The following SPECC1 variants were observed in gnomAD, a reference collection of about 807,000 sequenced individuals.
SPECC1 encodes cytospin-B.
SPECC1 carries 62 observed loss-of-function variants against 104.1 expected under a neutral mutation model. The observed-to-expected ratio is 0.60, with a 90% confidence interval of 0.49 to 0.74. The LOEUF (loss-of-function observed/expected upper bound fraction) is 0.74. SPECC1 is among the 30% of genes least tolerant of loss of function. The pLI is 0.00. For synonymous variants in SPECC1, 513 were observed against 501.6 expected (o/e 1.02, Z -0.30); for missense variants, 1,306 against 1,310.5 (o/e 1.00, Z 0.05).
chr17:20,224,404 A>G (rs1426751526), intron 4 of SPECC1, among the ~76,000 whole-genome samples: 6 of 152,206 alleles, frequency 3.9e-5, no homozygotes, highest in Non-Finnish European at 8.8e-5. Flanking sequence ...TGGGGAATCT[A>G]GCCAGGCTTG....
At chr17:20,205,947 A>ATCCT (rs2036753293) in intron 4 of SPECC1, 35 bp downstream of exon 4, 1 of 1,567,702 alleles carries the variant, frequency 6.4e-7, no homozygotes, top group Admixed American at 1.8e-5. Context: ...GTATTTGCTC[A>ATCCT]TCCTTGTTCA....
chr17:20,273,613 G>A (rs984348126), intron 12 of SPECC1, among the ~76,000 whole-genome samples: 1 of 152,116 alleles, frequency 6.6e-6, no homozygotes, highest in African/African-American at 2.4e-5. Context: ...AGAACGTTTG[G>A]AGCTTTGGCT....
intron 12 of SPECC1, among the ~76,000 whole-genome samples, chr17:20,295,014 C>CTATTATTATTAT (rs34174703): frequency 3.3e-5 from 5 of 149,326 alleles, no homozygotes; most frequent in South Asian, 2.2e-4. Context: ...AGATTCCCAT[C>CTATTATTATTAT]TATTATTATT....
intron 3 of SPECC1, among the ~76,000 whole-genome samples, chr17:20,146,977 C>T (rs1026798530): frequency 1.3e-5 from 2 of 152,022 alleles, no homozygotes; most frequent in Non-Finnish European, 2.9e-5. Flanking sequence ...TTTCCACCAG[C>T]AATGAATGAG....
chr17:20,257,719 G>T (rs1404084243), intron 11 of SPECC1, 112 bp downstream of exon 11: 7 of 1,380,252 alleles, frequency 5.1e-6, no homozygotes, highest in Non-Finnish European at 6.9e-6. Flanking sequence ...TTTCCTGCAT[G>T]AAAATGACTA....
At chr17:20,236,232 A>G (rs1417074885) in intron 7 of SPECC1, among the ~76,000 whole-genome samples, 1 of 152,182 alleles carries the variant, frequency 6.6e-6, no homozygotes, top group Non-Finnish European at 1.5e-5. Flanking sequence ...CATGATGGAC[A>G]GGGGTCTCCA....
At chr17:20,215,326 A>T (rs1186882010) in intron 4 of SPECC1, among the ~76,000 whole-genome samples, 6 of 152,230 alleles carry the variant, frequency 3.9e-5, no homozygotes. Flanking sequence ...GCCCTGGTAG[A>T]TGATCTCTTT....
intron 3 of SPECC1, among the ~76,000 whole-genome samples, chr17:20,179,836 A>G (rs1042652381): frequency 5.9e-5 from 9 of 152,238 alleles, no homozygotes; most frequent in African/African-American, 2.2e-4. Flanking sequence ...TAAATGGAAG[A>G]TATTAACACG....
At chr17:20,155,937 G>A (rs1320484015) in intron 3 of SPECC1, 1 of 1,235,134 alleles carries the variant, frequency 8.1e-7, no homozygotes. Context: ...GTGTGCAGTT[G>A]AGGTGGTCCG....
chr17:20,280,257 CG>C (rs2040720964), intron 12 of SPECC1, among the ~76,000 whole-genome samples: 1 of 152,156 alleles, frequency 6.6e-6, no homozygotes, highest in African/African-American at 2.4e-5. Flanking sequence ...ATATTTACCA[CG>C]TGACCGACAT....
At chr17:20,189,552 T>C in intron 3 of SPECC1, among the ~76,000 whole-genome samples, 1 of 152,144 alleles carries the variant, frequency 6.6e-6, no homozygotes, top group African/African-American at 2.4e-5. Context: ...ACCATACCAT[T>C]ATCTCTCCTC....
chr17:20,119,467 G>T (rs1352789116), intron 3 of SPECC1, among the ~76,000 whole-genome samples: 1 of 152,038 alleles, frequency 6.6e-6, no homozygotes, highest in African/African-American at 2.4e-5. Flanking sequence ...CCCAACCTCA[G>T]GTGATCCACC....
rs755712954 is a variant in SPECC1, at chr17:20,067,731, T to TA, written c.-21-28896dup. Among the ~76,000 whole-genome samples, 95 of 152,250 alleles carry TA rather than the reference T, an allele frequency of 6.2e-4. 1 individual carries two copies. The highest frequency in any genetic ancestry group is 4.8e-5 in the African/African-American group (2 of 41,546). On this transcript the variant is annotated intron_variant, in intron 1 of 14. Transcript: ENST00000395527. ...ATGTATTCACTTATATTCACTGCCA[T>TA]AAAATTCATACTTTTAAAAGTGAAC...
intron 1 of SPECC1, among the ~76,000 whole-genome samples, chr17:20,035,138 A>G (rs1012973130): frequency 3.3e-5 from 5 of 152,200 alleles, no homozygotes; most frequent in African/African-American, 9.7e-5. Flanking sequence ...ATTTGGTTGC[A>G]TTGATCTATA....
intron 12 of SPECC1, among the ~76,000 whole-genome samples, chr17:20,275,378 G>T (rs1025061299): frequency 3.3e-5 from 5 of 152,226 alleles, no homozygotes; most frequent in Admixed American, 2.6e-4. Context: ...TTTTTGTTAT[G>T]ATGTTAGTGA....
chr17:20,218,088 A>G (rs2703819), intron 4 of SPECC1, among the ~76,000 whole-genome samples: 66,766 of 152,106 alleles, frequency 0.44, 15,215 homozygotes, highest in East Asian at 0.8. Flanking sequence ...TAAAGTAGCT[A>G]TTGCTAAGTA....
intron 3 of SPECC1, among the ~76,000 whole-genome samples, chr17:20,132,345 A>AT (rs1414928684): frequency 6.6e-6 from 1 of 152,038 alleles, no homozygotes; most frequent in Non-Finnish European, 1.5e-5. Context: ...TGTAGTTTGC[A>AT]TTTTTTGTAC....
Position 20,194,502 on chromosome 17 carries a change from A to ATTTTTTTTTTT in SPECC1, c.284-9818_284-9808dup, listed in dbSNP as rs1209589252. On this transcript the variant is annotated intron_variant, in intron 3 of 14. Coordinates refer to ENST00000395527, the MANE Select transcript of SPECC1 (RefSeq NM_001243439.2). Reference sequence around the variant, plus strand: ...TGTGTTCTGTTAGAAAAGAGAACGAATTTTTTTTTTTTTTTTTTTTTTTGA... The same window carrying ATTTTTTTTTTT: ...TGTGTTCTGTTAGAAAAGAGAACGAATTTTTTTTTTTTTTTTTTTTTTTTTTTTTTTTTTGA... 2.1e-4 allele frequency among the ~76,000 whole-genome samples: 18 copies of ATTTTTTTTTTT among 86,564 alleles called. 1 individual carries two copies. Among genetic ancestry groups the ATTTTTTTTTTT allele is most frequent in the African/African-American group, 8.5e-4 (16 of 18,728 alleles). 56.8% of individuals were successfully genotyped at this position (86,564 alleles called of 152,430 possible).
intron 3 of SPECC1, chr17:20,156,208 C>G: frequency 7.0e-7 from 1 of 1,430,616 alleles, no homozygotes; most frequent in Non-Finnish European, 9.2e-7. Flanking sequence ...TGGGCAACCA[C>G]TCAGGACGGC....
Sources: gnomAD v4.1 joint callset for allele counts (sites outside exome capture counted in the v4.1 genomes callset) on GRCh38, gnomAD v4.1.1 for gene constraint, MANE v1.5 for transcripts, NCBI Gene and HGNC (gene_info 2026-07-23, HGNC 2026-07-21) for gene names.